SLC9A4: variants seen among roughly 807,000 people sequenced by gnomAD.
SLC9A4 encodes the protein solute carrier family 9 member A4.
A neutral mutation model predicts 67.4 loss-of-function variants in SLC9A4; 63 were observed. That is an observed-to-expected ratio of 0.93 (90% CI 0.76 to 1.15). SLC9A4 has a LOEUF of 1.15. Among genes scored for constraint, SLC9A4 ranks in the 50% most tolerant of loss-of-function variants. The probability of loss-of-function intolerance (pLI) is 0.00; values close to 1 mark genes in which losing one functional copy is unlikely to be tolerated. For missense variants in SLC9A4, 1,089 were observed against 987.7 expected (o/e 1.10, Z -1.38); for synonymous variants, 393 against 367.2 (o/e 1.07, Z -0.80).
Position 102,479,152 on chromosome 2 carries a change from C to T in SLC9A4, c.570C>T (p.Asp190=), listed in dbSNP as rs755300636. ...AGGTGAAGGCCTTTGGCCTGGGCGA[C>T]GTCAACCTGCTGCAGAACCTGCTGT... ...ICQVKAFGLG[D]VNLLQNLLFG... is the part of the protein sequence containing the mutation. The change falls in exon 2 of 12, where the codon GAC becomes GAT. Residue 190 remains aspartate, a synonymous_variant. Coordinates refer to ENST00000295269, the MANE Select transcript of SLC9A4 (RefSeq NM_001011552.4). 1.2e-6 allele frequency: 2 copies of T among 1,614,148 alleles called. No homozygotes were observed. The highest frequency in any genetic ancestry group is 1.7e-6 in the Non-Finnish European group (2 of 1,180,012).
rs747840999 is a variant in SLC9A4 at position 102,532,665 on chromosome 2, A to G, written c.2374A>G (p.Ser792Gly). Reference sequence around the variant, plus strand: ...CGGCAGGGACCATCACAGGTCCCATAGTCCTTTGCTCCAAAAAAAATAGTG... The same window carrying G: ...CGGCAGGGACCATCACAGGTCCCATGGTCCTTTGCTCCAAAAAAAATAGTG... ...GHGRDHHRSHSPLLQKK is the reference protein window; with the variant it reads ...GHGRDHHRSHGPLLQKK Residue 792 changes from serine (S) to glycine (G), a missense_variant, in exon 12 of 12, where the codon AGT becomes GGT. Transcript: ENST00000295269. 6 of 1,613,348 alleles carry G rather than the reference A, an allele frequency of 3.7e-6. No individual in the cohort carries two copies. Among genetic ancestry groups the G allele is most frequent in the Non-Finnish European group, 5.1e-6 (6 of 1,179,632 alleles).
intron 2 of SLC9A4, among the ~76,000 whole-genome samples, chr2:102,502,026 C>T (rs1358660714): frequency 1.3e-5 from 2 of 152,124 alleles, no homozygotes; most frequent in Non-Finnish European, 2.9e-5. Context: ...ATCACGGCCA[C>T]GATTTCCTTG....
chr2:102,508,878 T>C lies in SLC9A4; in HGVS notation c.1433T>C (p.Leu478Pro). 6.2e-7 allele frequency: 1 copy of C among 1,613,342 alleles called. No homozygotes were observed. Among genetic ancestry groups the C allele is most frequent in the African/African-American group, 1.3e-5 (1 of 74,984 alleles). Residue 478 changes from leucine (L) to proline (P), a missense_variant, in exon 6 of 12, where the codon CTG becomes CCG. Physicochemically the swap from Leu to Pro is moderately conservative, Grantham distance 98 (BLOSUM62 -3). Transcript: ENST00000295269. Reference protein sequence around the residue: ...GITVGPLVRYLDVKKTNKKES... With the variant: ...GITVGPLVRYPDVKKTNKKES... ...ACAGTTGGCCCTCTGGTCAGGTACC[T>C]GGATGTTAAAAAAACCAATAAAAAA... is the stretch of plus-strand genomic sequence containing the variant.
chr2:102,519,691 CAT>C (rs1195602200), intron 8 of SLC9A4, among the ~76,000 whole-genome samples, 166 bp from the exon 9 acceptor site: 1 of 152,160 alleles, frequency 6.6e-6, no homozygotes, highest in African/African-American at 2.4e-5. Context: ...GAAGTCAAGA[CAT>C]GTGTTTTGAC....
intron 1 of SLC9A4, among the ~76,000 whole-genome samples, chr2:102,475,289 G>T (rs1249462643): frequency 6.6e-6 from 1 of 152,162 alleles, no homozygotes; most frequent in Non-Finnish European, 1.5e-5. Flanking sequence ...ATCTTACTTG[G>T]TACTTGAGTT....
chr2:102,510,432 G>A (rs1405540617), intron 6 of SLC9A4, among the ~76,000 whole-genome samples: 1 of 152,206 alleles, frequency 6.6e-6, no homozygotes, highest in African/African-American at 2.4e-5. Context: ...AGCCAAAGCT[G>A]CTGTCTACAA....
chr2:102,486,678 C>T (rs1169614064), intron 2 of SLC9A4, among the ~76,000 whole-genome samples: 2 of 152,146 alleles, frequency 1.3e-5, no homozygotes, highest in Non-Finnish European at 2.9e-5. Context: ...GATCTTGGGA[C>T]CCAATCCTTT....
intron 2 of SLC9A4, among the ~76,000 whole-genome samples, chr2:102,497,124 G>A (rs1055156429): frequency 6.6e-6 from 1 of 152,152 alleles, no homozygotes; most frequent in East Asian, 1.9e-4. Context: ...GTAGAGACAG[G>A]GTTTCACCAT....
At chr2:102,530,526 T>C (rs1253146222) in intron 11 of SLC9A4, among the ~76,000 whole-genome samples, 1 of 152,212 alleles carries the variant, frequency 6.6e-6, no homozygotes, top group African/African-American at 2.4e-5. Flanking sequence ...TACCCATGCC[T>C]CTTCCTAGAG....
At chr2:102,492,652 C>T (rs1424535689) in intron 2 of SLC9A4, among the ~76,000 whole-genome samples, 3 of 152,200 alleles carry the variant, frequency 2.0e-5, no homozygotes, top group African/African-American at 7.2e-5. Flanking sequence ...AGGCCTCCAG[C>T]CATGTGATGG....
chr2:102,531,188 G>A (rs190637676), intron 11 of SLC9A4, among the ~76,000 whole-genome samples: 36 of 149,738 alleles, frequency 2.4e-4, no homozygotes, highest in Admixed American at 4.0e-4. Flanking sequence ...TCAGCCTCCC[G>A]AGTAGCTGGG....
Position 102,514,138 on chromosome 2 carries a change from G to T in SLC9A4, c.1608G>T (p.Lys536Asn), listed in dbSNP as rs60883579. 5 of 1,613,952 alleles carry T rather than the reference G, an allele frequency of 3.1e-6. No individual in the cohort carries two copies. The Admixed American group carries it at 8.3e-5, about 27-fold the overall frequency. Residue 536 changes from lysine to asparagine, a missense_variant, in exon 8 of 12, where the codon AAG becomes AAT. By Grantham distance (94) the Lys-to-Asn change is moderately conservative. Transcript: ENST00000295269. ...ACTTACGGAAAATCCTCATCAGAAA[G>T]AACCTACCCAAATCAAGCATTGTTT... is the stretch of plus-strand genomic sequence containing the variant. ...HRYLRKILIR[K>N]NLPKSSIVSL...
chr2:102,523,734 C>CA (rs1350347689), intron 9 of SLC9A4, among the ~76,000 whole-genome samples: 1 of 152,194 alleles, frequency 6.6e-6, no homozygotes, highest in Non-Finnish European at 1.5e-5. Context: ...ACCTCTCACA[C>CA]ACTTTGAATG....
intron 11 of SLC9A4, among the ~76,000 whole-genome samples, chr2:102,531,062 CTTTTTTTT>C (rs5833023): frequency 4.3e-5 from 5 of 116,266 alleles, no homozygotes; most frequent in Non-Finnish European, 8.4e-5. Context: ...TACCTAAATT[CTTTTTTTT>C]TTTTTTTTTT....
Position 102,473,589 on chromosome 2 carries a change from T to C in SLC9A4, c.-171T>C, listed in dbSNP as rs1684265505. On this transcript the variant is annotated 5_prime_UTR_variant, in exon 1 of 12. Transcript: ENST00000295269. ...AAACGATTTAAACCAGATTAGAAAGTGTCTACATACAGAGCTCAATAACAC... is the reference window on the plus strand; with the variant it reads ...AAACGATTTAAACCAGATTAGAAAGCGTCTACATACAGAGCTCAATAACAC... 2 of 716,822 alleles carry C rather than the reference T, an allele frequency of 2.8e-6. No homozygotes were observed. Among genetic ancestry groups the C allele is most frequent in the East Asian group, 2.7e-5 (1 of 36,598 alleles). The allele number at this position is 716,822 out of a possible 1,614,324, so 44.4% of individuals were successfully genotyped here. A position where few individuals can be genotyped will look rare whatever the true frequency, so the allele number is the denominator to read the frequency against.
At chr2:102,524,274 C>G (rs149171152) in intron 9 of SLC9A4, among the ~76,000 whole-genome samples, 7 of 152,146 alleles carry the variant, frequency 4.6e-5, no homozygotes, top group African/African-American at 1.7e-4. Context: ...CCTACTGACC[C>G]CTGGCAAACT....
At chr2:102,490,412 A>G (rs1684671866) in intron 2 of SLC9A4, among the ~76,000 whole-genome samples, 1 of 152,244 alleles carries the variant, frequency 6.6e-6, no homozygotes, top group Non-Finnish European at 1.5e-5. Flanking sequence ...CCTTGCAGGC[A>G]GCTACCTTCT....
At chr2:102,492,092 C>T (rs1684714902) in intron 2 of SLC9A4, among the ~76,000 whole-genome samples, 1 of 152,244 alleles carries the variant, frequency 6.6e-6, no homozygotes, top group African/African-American at 2.4e-5. Flanking sequence ...TCTTGGGCAG[C>T]TCTGCCCCTG....
At chr2:102,515,923 A>T (rs1332246460) in intron 8 of SLC9A4, among the ~76,000 whole-genome samples, 2 of 152,158 alleles carry the variant, frequency 1.3e-5, no homozygotes, top group Non-Finnish European at 2.9e-5. Context: ...GAGCTACGCA[A>T]GTCTATGAGA....
Sources: allele counts gnomAD v4.1 joint callset (sites outside exome capture counted in the v4.1 genomes callset), GRCh38; gene constraint gnomAD v4.1.1; transcripts MANE v1.5; gene names NCBI Gene and HGNC (gene_info 2026-07-23, HGNC 2026-07-21).